Variants in HOXB7 observed in about 807,000 individuals in gnomAD.
The protein encoded by HOXB7 is homeobox B7, also known as homeobox protein Hox-B7.
HOXB7 carries 11 observed loss-of-function variants against 19.2 expected under a neutral mutation model. That is an observed-to-expected ratio of 0.57 (90% CI 0.36 to 0.95). The LOEUF (loss-of-function observed/expected upper bound fraction) is 0.95, where lower values mean the gene tolerates loss of function less well. Ranked by LOEUF, HOXB7 falls within the 40% of genes least tolerant of loss-of-function variation. The probability of loss-of-function intolerance (pLI) is 0.01; values close to 1 mark genes in which losing one functional copy is unlikely to be tolerated. For synonymous variants in HOXB7, 141 were observed against 130.2 expected, an observed-to-expected ratio of 1.08 and a Z score of -0.56; for missense variants, 318 against 301.1, an observed-to-expected ratio of 1.06 and a Z score of -0.42.
In HOXB7 at chr17:48,610,670, A is replaced by C; in HGVS notation, c.249T>G (p.Ser83Arg). 6.3e-7 allele frequency: 1 copy of C among 1,575,600 alleles called. No individual in the cohort carries two copies. The change falls in exon 1 of 2, where the codon AGT becomes AGG. Residue 83 changes from serine to arginine, a missense_variant. Physicochemically the swap from Ser to Arg is moderately radical, Grantham distance 110. Coordinates refer to ENST00000239165, the MANE Select transcript of HOXB7 (RefSeq NM_004502.4). Reference sequence around the variant, plus strand: ...AGGGCGCGCAGTGCATGTTGAAGGAACTCGGCTCGAGCCCATAGCCGGCCG... The same window carrying C: ...AGGGCGCGCAGTGCATGTTGAAGGACCTCGGCTCGAGCCCATAGCCGGCCG... ...VYAAGYGLEP[S>R]SFNMHCAPFE...
At position 48,608,023 on chromosome 17, in the gene HOXB7, T is replaced by C. The variant is rs745772585; in HGVS notation, c.473A>G (p.Tyr158Cys). The C allele has an allele frequency of 5.0e-6, 8 of 1,614,230 alleles. No homozygotes were observed. The highest frequency in any genetic ancestry group is 1.3e-5 in the African/African-American group (1 of 75,060). ...CCGCCGCCGCGTCAGGTAGCGATTG[T>C]AGTGAAATTCTTTCTCCAGCTCCAG... is the stretch of plus-strand genomic sequence containing the variant. ...QTLELEKEFH[Y>C]NRYLTRRRRI... is the part of the protein sequence containing the mutation. The change falls in exon 2 of 2, where the codon TAC becomes TGC. Residue 158 changes from tyrosine to cysteine, a missense_variant. Tyr to Cys is a radical substitution (Grantham distance 194). Transcript: ENST00000239165.
Position 48,607,767 on chromosome 17 carries a change from C to T in HOXB7, c.*75G>A. ...TACTTCCCTATTCGATTTGAGTTTC[C>T]TGATTCAGTTCCCAGAGCTGGGCTT... On this transcript the variant is annotated 3_prime_UTR_variant, in exon 2 of 2. Coordinates refer to ENST00000239165, the MANE Select transcript of HOXB7 (RefSeq NM_004502.4). 1 of 1,150,570 alleles carries T rather than the reference C, an allele frequency of 8.7e-7. No homozygotes were observed. The highest frequency in any genetic ancestry group is 2.5e-5 in the East Asian group (1 of 39,662). 71.3% of individuals were successfully genotyped at this position (1,150,570 alleles called of 1,614,324 possible). A position where few individuals can be genotyped will look rare whatever the true frequency, so the allele number is the denominator to read the frequency against.
chr17:48,608,047 A>T lies in HOXB7; in HGVS notation c.449T>A (p.Leu150Gln). The T allele has an allele frequency of 6.2e-7, 1 of 1,614,162 alleles. No homozygotes were observed. The highest frequency in any genetic ancestry group is 8.5e-7 in the Non-Finnish European group (1 of 1,180,022). Residue 150 changes from leucine to glutamine, a missense_variant, in exon 2 of 2, where the codon CTG (leucine) becomes CAG (glutamine). Transcript: ENST00000239165. The stretch of plus-strand genomic sequence containing the variant: ...GTAGTGAAATTCTTTCTCCAGCTCC[A>T]GGGTCTGGTAGCGGGTGTAGGTCTG... ...GRQTYTRYQTLELEKEFHYNR... is the reference protein window; with the variant it reads ...GRQTYTRYQTQELEKEFHYNR...
intron 1 of HOXB7, among the ~76,000 whole-genome samples, chr17:48,608,770 G>C (rs904440410): frequency 1.3e-5 from 2 of 152,210 alleles, no homozygotes; most frequent in Non-Finnish European, 2.9e-5. Flanking sequence ...ACTCTCTGGG[G>C]TCAAGGACCC....
intron 1 of HOXB7, 95 bp downstream of exon 1, chr17:48,610,423 TG>T: frequency 1.6e-6 from 2 of 1,279,500 alleles, no homozygotes; most frequent in Non-Finnish European, 2.0e-6. Flanking sequence ...GGGAGCACTC[TG>T]GACGCGGAAA....
chr17:48,609,410 A>T (rs9912706), intron 1 of HOXB7, among the ~76,000 whole-genome samples: 8,277 of 152,330 alleles, frequency 0.054, 484 homozygotes, highest in African/African-American at 0.14. Context: ...ACTATGGAGC[A>T]GGTAATGGGA....
In HOXB7 at chr17:48,610,727, G is replaced by A; in HGVS notation, c.192C>T (p.Gly64=). 1 of 1,588,256 alleles carries A rather than the reference G, an allele frequency of 6.3e-7. No homozygotes were observed. Among genetic ancestry groups the A allele is most frequent in the South Asian group, 1.1e-5 (1 of 88,802 alleles). Residue 64 remains glycine, a synonymous_variant, in exon 1 of 2, where the codon GGC becomes GGT. Coordinates refer to ENST00000239165, the MANE Select transcript of HOXB7 (RefSeq NM_004502.4). ...SMQGLYPGGG[G]MAGQSAAGVY... ...CGCCGGCCGCGCTCTGGCCCGCCAT[G>A]CCCCCCCCGCCGGGGTACAAGCCCT... is the stretch of plus-strand genomic sequence containing the variant.
intron 1 of HOXB7, among the ~76,000 whole-genome samples, chr17:48,608,481 T>C (rs1056761428): frequency 1.4e-5 from 2 of 147,558 alleles, no homozygotes; most frequent in Non-Finnish European, 1.5e-5. Flanking sequence ...CTCCCTCTTA[T>C]ACCGTGTATG....
chr17:48,608,207 A>G, intron 1 of HOXB7, 112 bp from the exon 2 acceptor site: 1 of 1,375,078 alleles, frequency 7.3e-7, no homozygotes. Context: ...GCGGATCACG[A>G]GGTCAGGAGA....
chr17:48,609,364 AT>A (rs1238261143), intron 1 of HOXB7, among the ~76,000 whole-genome samples: 1 of 152,238 alleles, frequency 6.6e-6, no homozygotes, highest in Non-Finnish European at 1.5e-5. Context: ...AGCAGAAAAA[AT>A]GGGGCTTTGA....
chr17:48,607,896 GC>G lies in HOXB7; in HGVS notation c.599del (p.Gly200AlafsTer42). 6.2e-7 allele frequency: 1 copy of G among 1,613,754 alleles called. No homozygotes were observed. On this transcript the variant is annotated frameshift_variant, in exon 2 of 2. Coordinates refer to ENST00000239165, the MANE Select transcript of HOXB7 (RefSeq NM_004502.4). LOFTEE classifies it high-confidence loss of function. ...CCCTGTCTTGGCCGGTGGTCCCCGGGCCCGCGGTCTTGTTCTCCTTTTTCCA... is the reference window on the plus strand; with the variant it reads ...CCCTGTCTTGGCCGGTGGTCCCCGGGCCGCGGTCTTGTTCTCCTTTTTCCA... ...MKWKKENKTA[G>X]PGTTGQDRAE...
chr17:48,608,137 C>G, intron 1 of HOXB7, 42 bp from the exon 2 acceptor site: 1 of 1,589,226 alleles, frequency 6.3e-7, no homozygotes, highest in Non-Finnish European at 8.6e-7. Context: ...GTAAAGAAAA[C>G]GCCGGCCGGG....
At position 48,610,604 on chromosome 17, in the gene HOXB7, G is replaced by T. The variant is rs1352132085; in HGVS notation, c.315C>A (p.Ala105=). ...NLSGVCPGDS[A]KAAGAKEQRD... ...TCTGCTCCTTGGCGCCCGCCGCCTTGGCGGAGTCGCCGGGACACACCCCGG... is the reference window on the plus strand; with the variant it reads ...TCTGCTCCTTGGCGCCCGCCGCCTTTGCGGAGTCGCCGGGACACACCCCGG... The change falls in exon 1 of 2, where the codon GCC becomes GCA. Residue 105 remains alanine, a synonymous_variant. Transcript: ENST00000239165. The T allele has an allele frequency of 3.2e-6, 5 of 1,554,358 alleles. No individual in the cohort carries two copies. Among genetic ancestry groups the T allele is most frequent in the Non-Finnish European group, 4.4e-6 (5 of 1,148,600 alleles).
intron 1 of HOXB7, among the ~76,000 whole-genome samples, chr17:48,608,818 C>T (rs1173467928): frequency 1.3e-5 from 2 of 152,172 alleles, no homozygotes; most frequent in Non-Finnish European, 1.5e-5. Context: ...GATGGTCTTT[C>T]CAGTAGAGAC....
At position 48,607,719 on chromosome 17, in the gene HOXB7, T is replaced by G. The variant is rs1246335359; in HGVS notation, c.*123A>C. 8.0e-6 allele frequency: 6 copies of G among 747,746 alleles called. No individual in the cohort carries two copies. The South Asian group carries it at 1.8e-4, about 22-fold the overall frequency. 46.3% of individuals were successfully genotyped at this position (747,746 alleles called of 1,614,324 possible). ...TTAAATAGGGTTTTTTTTTTGTTTT[T>G]TTTGTTTTTTGTTTTGTTTTTTTAC... On this transcript the variant is annotated 3_prime_UTR_variant, in exon 2 of 2. Transcript: ENST00000239165.
rs765359875 is a variant in HOXB7 at position 48,610,788 on chromosome 17, C to T, written c.131G>A (p.Gly44Glu). Reference sequence around the variant, plus strand: ...GGCGAAGGAAGCGCCCGAACCCGCTCCATAGCCCGGGCGCTGGGGGTTGGA... The same window carrying T: ...GGCGAAGGAAGCGCCCGAACCCGCTTCATAGCCCGGGCGCTGGGGGTTGGA... The part of the protein sequence containing the change: ...FASNPQRPGY[G>E]AGSGASFAAS... The change falls in exon 1 of 2, where the codon GGA (glycine) becomes GAA (glutamate). Residue 44 changes from glycine to glutamate, a missense_variant. Transcript: ENST00000239165. The T allele has an allele frequency of 1.3e-6, 2 of 1,596,468 alleles. No individual in the cohort carries two copies. The highest frequency in any genetic ancestry group is 1.7e-6 in the Non-Finnish European group (2 of 1,170,966).
chr17:48,608,507 G>T (rs918764454), intron 1 of HOXB7, among the ~76,000 whole-genome samples: 1 of 151,126 alleles, frequency 6.6e-6, no homozygotes, highest in Non-Finnish European at 1.5e-5. Context: ...TGAAGTCAAT[G>T]GGCGATGGGC....
At chr17:48,608,214 G>A (rs1330196946) in intron 1 of HOXB7, 119 bp from the exon 2 acceptor site, 5 of 1,318,980 alleles carry the variant, frequency 3.8e-6, no homozygotes, top group Non-Finnish European at 5.1e-6. Context: ...ACGAGGTCAG[G>A]AGATCGAGAC....
At position 48,607,836 on chromosome 17, in the gene HOXB7, C is replaced by A; in HGVS notation, c.*6G>T. 1 of 1,607,786 alleles carries A rather than the reference C, an allele frequency of 6.2e-7. No individual in the cohort carries two copies. The highest frequency in any genetic ancestry group is 8.5e-7 in the Non-Finnish European group (1 of 1,174,736). ...CATGTCTCTTCCTCTGCCCTTTCTC[C>A]ATCCCTCACTCTTCCTCTTCCTCCT... On this transcript the variant is annotated 3_prime_UTR_variant, in exon 2 of 2. Coordinates refer to ENST00000239165, the MANE Select transcript of HOXB7 (RefSeq NM_004502.4).
Sources: allele counts gnomAD v4.1 joint callset (sites outside exome capture counted in the v4.1 genomes callset), GRCh38; gene constraint gnomAD v4.1.1; transcripts MANE v1.5; gene names NCBI Gene and HGNC (gene_info 2026-07-23, HGNC 2026-07-21).